The following LYPLAL1 variants were observed in gnomAD, a reference collection of about 807,000 sequenced individuals.
LYPLAL1 encodes lysophospholipase like 1.
A neutral mutation model predicts 19.7 loss-of-function variants in LYPLAL1; 23 were observed. The ratio of observed to expected loss-of-function variants is 1.17; its 90% CI spans 0.84 to 1.65. LYPLAL1 has a LOEUF of 1.65. Ranked by LOEUF, LYPLAL1 falls within the 40% of genes most tolerant of loss-of-function variation. The pLI, the probability that LYPLAL1 is intolerant of heterozygous loss-of-function variation, is 0.00. For synonymous variants in LYPLAL1, 119 were observed against 96.3 expected (o/e 1.24, Z -1.38); for missense variants, 355 against 279.4 (o/e 1.27, Z -1.93).
At chr1:219,277,369 C>A in the LYPLAL1 span, among the ~76,000 whole-genome samples, 1 of 152,068 alleles carries the variant, frequency 6.6e-6, no homozygotes, top group Non-Finnish European at 1.5e-5. Flanking sequence ...TGGGGTGTAG[C>A]TGAAGTGTTT....
At chr1:219,365,904 T>C in the LYPLAL1 span, among the ~76,000 whole-genome samples, 1 of 152,158 alleles carries the variant, frequency 6.6e-6, no homozygotes, top group African/African-American at 2.4e-5. Flanking sequence ...ACTAAGACCA[T>C]CTATTCAATA....
the LYPLAL1 span, among the ~76,000 whole-genome samples, chr1:219,301,495 T>G: frequency 2.6e-5 from 4 of 152,198 alleles, no homozygotes; most frequent in African/African-American, 9.6e-5. Flanking sequence ...TTTGCAATTC[T>G]ATTTAGACCA....
At chr1:219,423,034 C>G in the LYPLAL1 span, among the ~76,000 whole-genome samples, 1 of 152,086 alleles carries the variant, frequency 6.6e-6, no homozygotes, top group Admixed American at 6.5e-5. Context: ...CAGGAAAACC[C>G]CTGACCATAC....
chr1:219,204,256 G>A (rs760669697), intron 3 of LYPLAL1, among the ~76,000 whole-genome samples: 5 of 152,124 alleles, frequency 3.3e-5, no homozygotes, highest in African/African-American at 9.7e-5. Context: ...ATTACTTTTC[G>A]AAAGTTGGCA....
chr1:219,235,455 T>A, the LYPLAL1 span, among the ~76,000 whole-genome samples: 881 of 152,294 alleles, frequency 5.8e-3, 11 homozygotes, highest in African/African-American at 0.02. Context: ...TATGGATCAA[T>A]GTGGAAGAAT....
chr1:219,231,509 A>G, the LYPLAL1 span, among the ~76,000 whole-genome samples: 1 of 152,166 alleles, frequency 6.6e-6, no homozygotes, highest in East Asian at 1.9e-4. Flanking sequence ...ATATACATAT[A>G]TTGTGTATAT....
chr1:219,222,533 C>T, the LYPLAL1 span: 2 of 152,124 alleles, frequency 1.3e-5, no homozygotes, highest in Admixed American at 6.5e-5. Flanking sequence ...GATCAAAGTT[C>T]GGCATGATGG....
chr1:219,378,997 T>G, the LYPLAL1 span, among the ~76,000 whole-genome samples: 3,272 of 152,276 alleles, frequency 0.021, 139 homozygotes, highest in African/African-American at 0.076. Flanking sequence ...TTCATACTAT[T>G]TCAATTTTTG....
chr1:219,283,447 C>T, the LYPLAL1 span, among the ~76,000 whole-genome samples: 1 of 152,006 alleles, frequency 6.6e-6, no homozygotes, highest in Non-Finnish European at 1.5e-5. Flanking sequence ...AGCAGTTTAG[C>T]GTATTTGCCT....
the LYPLAL1 span, among the ~76,000 whole-genome samples, chr1:219,329,344 C>T: frequency 6.6e-6 from 1 of 152,148 alleles, no homozygotes; most frequent in Non-Finnish European, 1.5e-5. Flanking sequence ...AATAAATGCT[C>T]TTTGATTCGT....
At chr1:219,184,620 A>G (rs138511158) in intron 2 of LYPLAL1, among the ~76,000 whole-genome samples, 2,357 of 151,830 alleles carry the variant, frequency 0.016, 52 homozygotes, top group African/African-American at 0.053. Flanking sequence ...TATATTGAGG[A>G]CATTTCTTTG....
At chr1:219,337,181 A>T in the LYPLAL1 span, among the ~76,000 whole-genome samples, 2 of 151,972 alleles carry the variant, frequency 1.3e-5, no homozygotes, top group Admixed American at 1.3e-4. Context: ...ATCAACCAGG[A>T]TTATCTCTCT....
the LYPLAL1 span, among the ~76,000 whole-genome samples, chr1:219,373,378 A>G: frequency 6.6e-6 from 1 of 152,098 alleles, no homozygotes; most frequent in African/African-American, 2.4e-5. Context: ...TCATAATGGG[A>G]TTTCCTTTCA....
chr1:219,288,149 C>T, the LYPLAL1 span, among the ~76,000 whole-genome samples: 1 of 152,168 alleles, frequency 6.6e-6, no homozygotes, highest in Non-Finnish European at 1.5e-5. Context: ...TTTGTATCCA[C>T]ATGGAAACCT....
At chr1:219,187,081 G>A (rs1656785706) in intron 2 of LYPLAL1, among the ~76,000 whole-genome samples, 1 of 148,960 alleles carries the variant, frequency 6.7e-6, no homozygotes, top group East Asian at 2.0e-4. Flanking sequence ...TCCCCATCTT[G>A]TGTATGTTAT....
At chr1:219,434,817 T>G in the LYPLAL1 span, among the ~76,000 whole-genome samples, 8 of 152,190 alleles carry the variant, frequency 5.3e-5, no homozygotes, top group African/African-American at 1.9e-4. Flanking sequence ...GAGTCCTTTT[T>G]GCAATCAAGA....
chr1:219,301,112 G>C, the LYPLAL1 span, among the ~76,000 whole-genome samples: 4 of 151,792 alleles, frequency 2.6e-5, no homozygotes, highest in African/African-American at 4.8e-5. Flanking sequence ...AATCAAAATG[G>C]GTTGTCTTTT....
the LYPLAL1 span, among the ~76,000 whole-genome samples, chr1:219,364,073 G>T: frequency 6.6e-6 from 1 of 152,176 alleles, no homozygotes; most frequent in Non-Finnish European, 1.5e-5. Flanking sequence ...TGTTCTGCAT[G>T]TGATGACCAG....
chr1:219,273,236 GGA>G, the LYPLAL1 span: 1 of 152,140 alleles, frequency 6.6e-6, no homozygotes, highest in South Asian at 2.1e-4. Context: ...GTTCTTAAAA[GGA>G]GGCTTAACTT....
Sources: allele counts gnomAD v4.1 joint callset (sites outside exome capture counted in the v4.1 genomes callset), GRCh38; gene constraint gnomAD v4.1.1; transcripts MANE v1.5; gene names NCBI Gene and HGNC (gene_info 2026-07-23, HGNC 2026-07-21).